ZNF705B: variants seen among roughly 807,000 people sequenced by gnomAD.
ZNF705B encodes Putative zinc finger protein 705D-like protein LOC100132396.
ZNF705B carries 1 observed loss-of-function variant against 10.5 expected under a neutral mutation model. The ratio of observed to expected loss-of-function variants is 0.10; its 90% CI spans 0.03 to 0.45. The LOEUF is 0.45. Among genes scored for constraint, ZNF705B ranks in the 20% least tolerant of loss-of-function variants. The probability of loss-of-function intolerance (pLI) is 0.97; values close to 1 mark genes in which losing one functional copy is unlikely to be tolerated. For synonymous variants in ZNF705B, 4 were observed against 25.4 expected, an observed-to-expected ratio of 0.16 and a Z score of 2.53; for missense variants, 14 against 84.0, an observed-to-expected ratio of 0.17 and a Z score of 3.26.
intron 2 of ZNF705B, among the ~76,000 whole-genome samples, chr8:7,932,899 T>G (rs1251960899): frequency 3.8e-5 from 4 of 105,710 alleles, no homozygotes; most frequent in Non-Finnish European, 9.1e-5. Context: ...ACTAAAGTTG[T>G]GTCTAAATGG....
intron 1 of ZNF705B, among the ~76,000 whole-genome samples, chr8:7,927,036 T>G (rs1195316652): frequency 1.0e-4 from 12 of 119,848 alleles, no homozygotes; most frequent in Non-Finnish European, 2.0e-4. Context: ...CTTTCAAGAC[T>G]CGTGGTACGT....
At chr8:7,931,533 A>G (rs988624066) in intron 2 of ZNF705B, among the ~76,000 whole-genome samples, 4 of 122,124 alleles carry the variant, frequency 3.3e-5, no homozygotes, top group African/African-American at 1.0e-4. Context: ...ACAGGTGCCA[A>G]TGACAGACAG....
rs571159821 is a variant in ZNF705B, at chr8:7,932,065, G to A, written c.-72+1629G>A. On this transcript the variant is annotated intron_variant, in intron 2 of 6. Coordinates refer to ENST00000400120, the MANE Select transcript of ZNF705B (RefSeq NM_001193630.1). ...CCTGTGTCTGGGGGCACGTGCAGAC[G>A]ATCCAGTGCCAACTCCTTCTCTGGG... is the stretch of plus-strand genomic sequence containing the variant. 3.3e-5 allele frequency among the ~76,000 whole-genome samples: 4 copies of A among 119,942 alleles called. 1 individual carries two copies. Among genetic ancestry groups the A allele is most frequent in the Middle Eastern group, 4.4e-3 (1 of 226 alleles). 78.7% of individuals were successfully genotyped at this position (119,942 alleles called of 152,430 possible).
intron 2 of ZNF705B, among the ~76,000 whole-genome samples, chr8:7,940,702 G>C (rs1419643978): frequency 3.4e-5 from 5 of 147,790 alleles, no homozygotes; most frequent in African/African-American, 9.9e-5. Flanking sequence ...TTGTCATTCT[G>C]TGGTTGGCCT....
chr8:7,928,721 C>T (rs1221067789), intron 1 of ZNF705B, among the ~76,000 whole-genome samples: 3 of 75,156 alleles, frequency 4.0e-5, no homozygotes, highest in African/African-American at 1.0e-4. Flanking sequence ...TAAGAGCCTG[C>T]CTAGAATTAT....
chr8:7,931,270 A>G (rs1819840390), intron 2 of ZNF705B, among the ~76,000 whole-genome samples: 1 of 121,154 alleles, frequency 8.3e-6, no homozygotes, highest in Non-Finnish European at 2.0e-5. Flanking sequence ...GTGACCCCAG[A>G]TGGCATGTGC....
At chr8:7,928,812 A>G (rs1819766689) in intron 1 of ZNF705B, among the ~76,000 whole-genome samples, 1 of 103,158 alleles carries the variant, frequency 9.7e-6, no homozygotes, top group African/African-American at 2.7e-5. Context: ...TTCCATTTAC[A>G]GAATTTCTTC....
intron 2 of ZNF705B, among the ~76,000 whole-genome samples, chr8:7,940,997 T>C (rs1279051541): frequency 3.4e-5 from 5 of 149,042 alleles, no homozygotes; most frequent in African/African-American, 9.8e-5. Flanking sequence ...GCTCCATTCA[T>C]GTTCCTGCAA....
At chr8:7,931,286 C>G (rs1350240328) in intron 2 of ZNF705B, among the ~76,000 whole-genome samples, 1 of 121,480 alleles carries the variant, frequency 8.2e-6, no homozygotes, top group African/African-American at 2.5e-5. Context: ...TGTGCAGACA[C>G]CAACAGTCAT....
intron 2 of ZNF705B, among the ~76,000 whole-genome samples, chr8:7,935,436 A>C (rs1222772368): frequency 1.4e-4 from 20 of 140,836 alleles, no homozygotes; most frequent in Admixed American, 6.5e-4. Flanking sequence ...AATTCTGAGC[A>C]GTCTTTGTAT....
chr8:7,931,830 T>A (rs1360469787), intron 2 of ZNF705B, among the ~76,000 whole-genome samples: 4 of 127,752 alleles, frequency 3.1e-5, no homozygotes, highest in Non-Finnish European at 5.5e-5. Flanking sequence ...GCCAGTTCCC[T>A]GGAGTGTAGG....
intron 2 of ZNF705B, among the ~76,000 whole-genome samples, chr8:7,940,353 T>G (rs945525973): frequency 2.1e-4 from 31 of 147,262 alleles, no homozygotes; most frequent in Non-Finnish European, 7.5e-5. Context: ...GTATACACCA[T>G]GAACACATCA....
chr8:7,932,225 C>T (rs1231755072), intron 2 of ZNF705B, among the ~76,000 whole-genome samples: 1 of 121,092 alleles, frequency 8.3e-6, no homozygotes. Flanking sequence ...TCTTTTTTAC[C>T]TTTTCACCAC....
chr8:7,937,568 C>G (rs1288758673), intron 2 of ZNF705B, among the ~76,000 whole-genome samples: 1 of 119,990 alleles, frequency 8.3e-6, no homozygotes, highest in Non-Finnish European at 2.0e-5. Flanking sequence ...ATATGTAAGA[C>G]ACATATTTTA....
Position 7,929,147 on chromosome 8 carries a change from T to G in ZNF705B, c.-221-1140T>G, listed in dbSNP as rs548526736. Among the ~76,000 whole-genome samples the G allele has an allele frequency of 4.6e-4, 56 of 121,624 alleles. 9 individuals carry two copies. The highest frequency in any genetic ancestry group is 1.4e-3 in the East Asian group (6 of 4,290). The allele number at this position is 121,624 out of a possible 152,430, so 79.8% of individuals were successfully genotyped here. A position where few individuals can be genotyped will look rare whatever the true frequency, so the allele number is the denominator to read the frequency against. ...CTTAATGATTCATGTAGCACTTTCA[T>G]ATCTTGAAATAAGGTAATGTCAGTC... On this transcript the variant is annotated intron_variant, in intron 1 of 6. Coordinates refer to ENST00000400120, the MANE Select transcript of ZNF705B (RefSeq NM_001193630.1).
At position 7,933,017 on chromosome 8, in the gene ZNF705B, G is replaced by A. The variant is rs1340414444; in HGVS notation, c.-72+2581G>A. Among the ~76,000 whole-genome samples the A allele has an allele frequency of 2.5e-5, 3 of 118,044 alleles. 1 individual carries two copies. The highest frequency in any genetic ancestry group is 2.0e-5 in the Non-Finnish European group (1 of 49,452). The allele number at this position is 118,044 out of a possible 152,430, so 77.4% of individuals were successfully genotyped here. On this transcript the variant is annotated intron_variant, in intron 2 of 6. Transcript: ENST00000400120. ...CCACATCCTAACTCCTGGGTCCTGT[G>A]AATGTGCCACCTTGTAAGCAAAGGG...
intron 3 of ZNF705B, among the ~76,000 whole-genome samples, chr8:7,948,003 T>C (rs1162206424): frequency 4.0e-5 from 2 of 49,866 alleles, no homozygotes; most frequent in African/African-American, 1.4e-4. Context: ...TAAAATATAT[T>C]TGAGCTTTTA....
chr8:7,933,943 T>C lies in ZNF705B; in HGVS notation c.-72+3507T>C, dbSNP rs1323316268. Among the ~76,000 whole-genome samples the C allele has an allele frequency of 5.4e-5, 4 of 73,484 alleles. No homozygotes were observed. The East Asian group carries it at 1.5e-3, about 28-fold the overall frequency. 48.2% of individuals were successfully genotyped at this position (73,484 alleles called of 152,430 possible). On this transcript the variant is annotated intron_variant, in intron 2 of 6. Coordinates refer to ENST00000400120, the MANE Select transcript of ZNF705B (RefSeq NM_001193630.1). ...TGTAATATAAACTTTTTTTTTTTTT[T>C]TTTTTTTTTTTTTTTGAGACAGTGT... is the stretch of plus-strand genomic sequence containing the variant.
chr8:7,938,484 TG>T (rs1406165629), intron 2 of ZNF705B, among the ~76,000 whole-genome samples: 2 of 122,828 alleles, frequency 1.6e-5, no homozygotes, highest in African/African-American at 5.7e-5. Flanking sequence ...TTGCCTAATT[TG>T]GAGATGGAAT....
Sources: gnomAD v4.1 joint callset for allele counts (sites outside exome capture counted in the v4.1 genomes callset) on GRCh38, gnomAD v4.1.1 for gene constraint, MANE v1.5 for transcripts, NCBI Gene and HGNC (gene_info 2026-07-23, HGNC 2026-07-21) for gene names.